BRD4: variants seen among roughly 807,000 people sequenced by gnomAD.
BRD4 encodes the protein bromodomain-containing protein 4.
BRD4 carries 16 observed loss-of-function variants against 142.1 expected under a neutral mutation model. That is an observed-to-expected ratio of 0.11 (90% CI 0.08 to 0.17). The LOEUF (loss-of-function observed/expected upper bound fraction) is 0.17. Ranked by LOEUF, BRD4 falls within the 10% of genes least tolerant of loss-of-function variation. The pLI, the probability that BRD4 is intolerant of heterozygous loss-of-function variation, is 1.00. For synonymous variants in BRD4, 833 were observed against 707.5 expected (o/e 1.18, Z -2.82); for missense variants, 1,424 against 1,810.9 (o/e 0.79, Z 3.88).
At chr19:15,331,793 G>C (rs2048161894) in intron 1 of BRD4, 1 of 150,222 alleles carries the variant, frequency 6.7e-6, no homozygotes, top group African/African-American at 2.4e-5. Flanking sequence ...ACCGCGGACC[G>C]GGACAGCTGC....
intron 1 of BRD4, among the ~76,000 whole-genome samples, chr19:15,324,426 A>T (rs552003098): frequency 1.3e-5 from 2 of 152,374 alleles, no homozygotes; most frequent in South Asian, 4.1e-4. Context: ...ACTGGACTTA[A>T]CTGGTTCTTC....
At chr19:15,240,128 C>T (rs2047227372) in intron 14 of BRD4, 106 bp from the exon 15 acceptor site, 2 of 1,439,558 alleles carry the variant, frequency 1.4e-6, no homozygotes. Flanking sequence ...ACTGCATGTG[C>T]CGCCCAGGCC....
rs1265135334 is a variant in BRD4, at chr19:15,257,034, G to A, written c.1481C>T (p.Ser494Leu). The part of the protein sequence containing the change: ...SSSDSSSDSS[S>L]DSDSSTDDSE... Reference sequence around the variant, plus strand: ...GTCATCAGTCGAACTGTCACTGTCCGAGGAGCTATCGCTGCTGCTGTCGCT... The same window carrying A: ...GTCATCAGTCGAACTGTCACTGTCCAAGGAGCTATCGCTGCTGCTGTCGCT... Residue 494 changes from serine to leucine, a missense_variant, in exon 8 of 20, where the codon TCG becomes TTG. This residue lies in a region of BRD4 where 90 missense variants were observed against 93.2 expected (regional missense o/e 0.97). Coordinates refer to ENST00000679869, the MANE Select transcript of BRD4 (RefSeq NM_001379291.1). 3 of 1,597,606 alleles carry A rather than the reference G, an allele frequency of 1.9e-6. No individual in the cohort carries two copies. Among genetic ancestry groups the A allele is most frequent in the Non-Finnish European group, 2.6e-6 (3 of 1,173,942 alleles).
intron 1 of BRD4, among the ~76,000 whole-genome samples, chr19:15,325,827 C>G (rs1254657829): frequency 2.0e-5 from 3 of 151,500 alleles, no homozygotes; most frequent in African/African-American, 7.3e-5. Flanking sequence ...GGAGAAACCC[C>G]GTCTCTACTA....
Position 15,264,702 on chromosome 19 carries a change from T to C in BRD4, c.914A>G (p.Glu305Gly), listed in dbSNP as rs777321164. ...GGGCTCCGGGGGCAGCGAGGGTGGC[T>C]CGTGAATGGGGTCAATGGTGGTGGG... ...TTPTTIDPIH[E>G]PPSLPPEPKT... The change falls in exon 6 of 20, where the codon GAG becomes GGG. Residue 305 changes from glutamate to glycine, a missense_variant. Glu to Gly is a moderately conservative substitution (Grantham distance 98). Around this residue, in one of 16 missense-constraint regions of BRD4, gnomAD observed 86 missense variants for 79.9 expected, o/e 1.08. Transcript: ENST00000679869. 6.2e-7 allele frequency: 1 copy of C among 1,613,142 alleles called. No homozygotes were observed.
At chr19:15,289,631 C>T (rs1160724273) in intron 1 of BRD4, among the ~76,000 whole-genome samples, 1 of 150,120 alleles carries the variant, frequency 6.7e-6, no homozygotes, top group East Asian at 1.9e-4. Flanking sequence ...CTCAAGGTAG[C>T]TAGGTTAGTG....
chr19:15,290,367 G>C (rs749098929), intron 1 of BRD4, among the ~76,000 whole-genome samples: 3 of 152,142 alleles, frequency 2.0e-5, no homozygotes, highest in Non-Finnish European at 4.4e-5. Flanking sequence ...CACTAATCCT[G>C]TTACGTTAGA....
At chr19:15,247,543 G>A (rs1320627576) in intron 11 of BRD4, 3 of 233,142 alleles carry the variant, frequency 1.3e-5, no homozygotes, top group Non-Finnish European at 2.5e-5. Flanking sequence ...TTGTGGCTAT[G>A]GCCCATGTGC....
chr19:15,326,995 T>C (rs1380547639), intron 1 of BRD4, among the ~76,000 whole-genome samples: 1 of 152,190 alleles, frequency 6.6e-6, no homozygotes, highest in African/African-American at 2.4e-5. Context: ...CCATGCACAA[T>C]GTAAAAAACC....
intron 1 of BRD4, among the ~76,000 whole-genome samples, chr19:15,320,147 C>G (rs944538272): frequency 2.0e-5 from 3 of 152,104 alleles, no homozygotes; most frequent in Non-Finnish European, 4.4e-5. Flanking sequence ...GAGTGATGAT[C>G]TAGAGAGAAG....
intron 1 of BRD4, among the ~76,000 whole-genome samples, chr19:15,328,079 T>C (rs1166546834): frequency 6.6e-6 from 1 of 152,206 alleles, no homozygotes; most frequent in Non-Finnish European, 1.5e-5. Flanking sequence ...AATAATAGTA[T>C]GCTCAAATTA....
chr19:15,255,576 G>C lies in BRD4; in HGVS notation c.1768C>G (p.Pro590Ala). Residue 590 changes from proline (P) to alanine (A), a missense_variant, in exon 10 of 20, where the codon CCC becomes GCC. By Grantham distance (27) the Pro-to-Ala change is conservative (BLOSUM62 -1). Around this residue, in one of 16 missense-constraint regions of BRD4, gnomAD observed 86 missense variants for 78.9 expected, o/e 1.09. Transcript: ENST00000679869. The stretch of plus-strand genomic sequence containing the variant: ...GTGGGAGGGGGCTTGCTCTTCATGG[G>C]CGCTGGCTCCTTCTTGCTACGAAGG... ...NSNVSKKEPA[P>A]MKSKPPPTYE... The C allele has an allele frequency of 6.2e-7, 1 of 1,605,160 alleles. No individual in the cohort carries two copies. Among genetic ancestry groups the C allele is most frequent in the Non-Finnish European group, 8.5e-7 (1 of 1,172,918 alleles).
At chr19:15,309,285 CAG>C (rs947408195) in intron 1 of BRD4, among the ~76,000 whole-genome samples, 5 of 135,652 alleles carry the variant, frequency 3.7e-5, no homozygotes, top group African/African-American at 1.4e-4. Flanking sequence ...GTGAGCAGAG[CAG>C]AGATTGTGCC....
chr19:15,268,836 A>T, intron 3 of BRD4, 69 bp downstream of exon 3: 2 of 1,578,038 alleles, frequency 1.3e-6, no homozygotes, highest in Non-Finnish European at 1.7e-6. Flanking sequence ...CGGGCTCCTG[A>T]CATGCCCACT....
intron 6 of BRD4, chr19:15,264,138 G>T: frequency 2.4e-6 from 1 of 424,874 alleles, no homozygotes; most frequent in Non-Finnish European, 4.2e-6. Flanking sequence ...GGGCCCCCAA[G>T]GCCAGAGGGC....
intron 1 of BRD4, among the ~76,000 whole-genome samples, chr19:15,300,890 C>T (rs1282966391): frequency 2.0e-5 from 3 of 152,194 alleles, no homozygotes; most frequent in Non-Finnish European, 4.4e-5. Flanking sequence ...TAAAGCTAAA[C>T]ATGTATTTAT....
At position 15,267,413 on chromosome 19, in the gene BRD4, T is replaced by TA. The variant is rs755698105; in HGVS notation, c.559+2dup. The TA allele has an allele frequency of 3.7e-6, 6 of 1,613,868 alleles. No homozygotes were observed. Among genetic ancestry groups the TA allele is most frequent in the Non-Finnish European group, 5.1e-6 (6 of 1,179,916 alleles). On this transcript the variant is annotated splice_region_variant and intron_variant, in intron 4 of 19. Transcript: ENST00000679869. ...CAATTTACTTGCTATTTCAGTACTC[T>TA]ACCTGTTTCTTTCCTCCCACGTCCT...
At chr19:15,274,542 T>G (rs544274235) in intron 1 of BRD4, among the ~76,000 whole-genome samples, 6 of 152,240 alleles carry the variant, frequency 3.9e-5, no homozygotes, top group African/African-American at 1.4e-4. Flanking sequence ...ACACGCCAGG[T>G]AAGTGATGGC....
intron 1 of BRD4, among the ~76,000 whole-genome samples, chr19:15,324,018 T>C (rs1428629728): frequency 6.6e-6 from 1 of 152,158 alleles, no homozygotes; most frequent in Non-Finnish European, 1.5e-5. Flanking sequence ...GGAGACGATG[T>C]AACTCCCCTG....
Sources: allele counts gnomAD v4.1 joint callset (sites outside exome capture counted in the v4.1 genomes callset), GRCh38; gene constraint gnomAD v4.1.1; regional missense constraint gnomAD v4.1.1; transcripts MANE v1.5; gene names NCBI Gene and HGNC (gene_info 2026-07-23, HGNC 2026-07-21).